KIF16B: variants seen among roughly 807,000 people sequenced by gnomAD.
The protein encoded by KIF16B is kinesin-like protein KIF16B.
In KIF16B, 98 loss-of-function variants were observed where a neutral mutation model predicts 156.3. The ratio of observed to expected loss-of-function variants is 0.63; its 90% CI spans 0.53 to 0.74. KIF16B has a LOEUF of 0.74. KIF16B is among the 30% of genes least tolerant of loss of function. The pLI, the probability that KIF16B is intolerant of heterozygous loss-of-function variation, is 0.00. For missense variants in KIF16B, 1,421 were observed against 1,606.5 expected, an observed-to-expected ratio of 0.88 and a Z score of 1.97; for synonymous variants, 564 against 583.7, an observed-to-expected ratio of 0.97 and a Z score of 0.49.
chr20:16,321,235 T>TTTGTATTATG (rs2063768546), intron 24 of KIF16B, among the ~76,000 whole-genome samples: 1 of 152,132 alleles, frequency 6.6e-6, no homozygotes, highest in South Asian at 2.1e-4. Context: ...CCTTTTTTTC[T>TTTGTATTATG]TATATTTCCT....
chr20:16,342,716 G>A (rs562110366), intron 23 of KIF16B, among the ~76,000 whole-genome samples: 1 of 152,336 alleles, frequency 6.6e-6, no homozygotes, highest in Admixed American at 6.5e-5. Context: ...ATGGGGATGA[G>A]CAAGGCTCAA....
chr20:16,566,587 C>T (rs1054485583), intron 1 of KIF16B, among the ~76,000 whole-genome samples: 2 of 152,156 alleles, frequency 1.3e-5, no homozygotes, highest in African/African-American at 4.8e-5. Flanking sequence ...ATTAAATTAC[C>T]ATTCCAGCCC....
intron 4 of KIF16B, among the ~76,000 whole-genome samples, chr20:16,514,751 C>T (rs1370630870): frequency 1.3e-5 from 2 of 151,336 alleles, no homozygotes; most frequent in African/African-American, 2.4e-5. Context: ...ATTAGCAGGG[C>T]GTGGTGGTGC....
intron 25 of KIF16B, among the ~76,000 whole-genome samples, chr20:16,300,559 G>A (rs1454992335): frequency 6.6e-6 from 1 of 152,032 alleles, no homozygotes; most frequent in Non-Finnish European, 1.5e-5. Flanking sequence ...AAAATAAGAG[G>A]TTGGAGGAAG....
intron 25 of KIF16B, among the ~76,000 whole-genome samples, chr20:16,309,259 T>A (rs2063585005): frequency 6.6e-6 from 1 of 152,222 alleles, no homozygotes; most frequent in African/African-American, 2.4e-5. Context: ...AGATAGAAGT[T>A]TGGCAATGAG....
intron 25 of KIF16B, among the ~76,000 whole-genome samples, chr20:16,278,303 T>A (rs181046884): frequency 6.6e-6 from 1 of 152,228 alleles, no homozygotes; most frequent in East Asian, 1.9e-4. Context: ...CACAACAACG[T>A]TGGAGACGGG....
At chr20:16,346,406 T>C (rs945418366) in intron 23 of KIF16B, among the ~76,000 whole-genome samples, 6 of 152,164 alleles carry the variant, frequency 3.9e-5, no homozygotes, top group African/African-American at 1.2e-4. Context: ...CACATTTCTA[T>C]GCAAATGCAT....
chr20:16,403,335 A>T lies in KIF16B; in HGVS notation c.1784+1478T>A, dbSNP rs141940432. On this transcript the variant is annotated intron_variant, in intron 17 of 25. Coordinates refer to ENST00000354981, the MANE Select transcript of KIF16B (RefSeq NM_024704.5). ...TTAGTGATTCCATCTTGGTCACAAT[A>T]AAAGGCAACTGCTAAAACTACTGTA... Among the ~76,000 whole-genome samples the T allele has an allele frequency of 2.8e-4, 43 of 152,350 alleles. No homozygotes were observed. In the East Asian group the frequency reaches 7.1e-3, roughly 25 times the overall value.
chr20:16,528,920 A>G (rs2069647718), intron 1 of KIF16B, among the ~76,000 whole-genome samples: 1 of 152,190 alleles, frequency 6.6e-6, no homozygotes, highest in Non-Finnish European at 1.5e-5. Flanking sequence ...CAGAAACTGC[A>G]TTTCTCAGAA....
At chr20:16,415,114 T>C (rs1600336132) in intron 15 of KIF16B, among the ~76,000 whole-genome samples, 1 of 152,156 alleles carries the variant, frequency 6.6e-6, no homozygotes, top group East Asian at 1.9e-4. Flanking sequence ...ATGGAATAGG[T>C]CTGTCCTTCT....
intron 25 of KIF16B, among the ~76,000 whole-genome samples, chr20:16,287,268 A>G (rs1331476734): frequency 6.6e-6 from 1 of 152,264 alleles, no homozygotes; most frequent in Non-Finnish European, 1.5e-5. Flanking sequence ...ACTTCATGCC[A>G]ATCTCTCTTC....
intron 12 of KIF16B, among the ~76,000 whole-genome samples, chr20:16,430,669 T>C (rs1378077630): frequency 1.3e-5 from 2 of 152,030 alleles, no homozygotes; most frequent in East Asian, 3.9e-4. Flanking sequence ...CTATGAAGGT[T>C]ATTGTCTTTG....
chr20:16,511,826 CTTAA>C (rs1372821752), intron 5 of KIF16B, among the ~76,000 whole-genome samples: 1 of 152,122 alleles, frequency 6.6e-6, no homozygotes, highest in Non-Finnish European at 1.5e-5. Flanking sequence ...TGTTGTTTCA[CTTAA>C]AGTCACGATT....
intron 15 of KIF16B, among the ~76,000 whole-genome samples, chr20:16,413,551 T>C (rs1011934914): frequency 1.3e-5 from 2 of 152,148 alleles, no homozygotes; most frequent in African/African-American, 4.8e-5. Context: ...ATTATTTCAT[T>C]TTGGGTTACA....
chr20:16,466,787 C>T (rs2067504753), intron 12 of KIF16B, among the ~76,000 whole-genome samples: 1 of 151,552 alleles, frequency 6.6e-6, no homozygotes, highest in Non-Finnish European at 1.5e-5. Flanking sequence ...GAAAGTTCTG[C>T]AAGAACCAGT....
At chr20:16,280,583 A>C (rs983736018) in intron 25 of KIF16B, among the ~76,000 whole-genome samples, 1 of 152,224 alleles carries the variant, frequency 6.6e-6, no homozygotes, top group Non-Finnish European at 1.5e-5. Context: ...AGGGACAAGA[A>C]TGGATGTCCT....
At chr20:16,521,839 G>A (rs370385712) in intron 3 of KIF16B, among the ~76,000 whole-genome samples, 36 of 152,266 alleles carry the variant, frequency 2.4e-4, no homozygotes, top group African/African-American at 4.1e-4. Context: ...GAAACCCTAC[G>A]TGCCAGAAGA....
intron 22 of KIF16B, among the ~76,000 whole-genome samples, chr20:16,370,366 TC>T (rs1289264653): frequency 6.6e-6 from 1 of 152,150 alleles, no homozygotes; most frequent in Non-Finnish European, 1.5e-5. Flanking sequence ...TGGGCAAAGC[TC>T]CACCACAGCT....
rs1209134819 is a variant in KIF16B, at chr20:16,272,690, CT to C, written c.*562del. 1 of 152,466 alleles carries C rather than the reference CT, an allele frequency of 6.6e-6. No individual in the cohort carries two copies. Among genetic ancestry groups the C allele is most frequent in the African/African-American group, 2.4e-5 (1 of 41,358 alleles). The allele number at this position is 152,466 out of a possible 1,614,324, so 9.4% of individuals were successfully genotyped here. A position where few individuals can be genotyped will look rare whatever the true frequency, so the allele number is the denominator to read the frequency against. ...AATCCCTTTTGCAGAATATGAAATTCTGTGTAAACATCAGTGTTTGGGTTTT... is the reference window on the plus strand; with the variant it reads ...AATCCCTTTTGCAGAATATGAAATTCGTGTAAACATCAGTGTTTGGGTTTT... On this transcript the variant is annotated 3_prime_UTR_variant, in exon 26 of 26. Coordinates refer to ENST00000354981, the MANE Select transcript of KIF16B (RefSeq NM_024704.5).
Sources: allele counts gnomAD v4.1 joint callset (sites outside exome capture counted in the v4.1 genomes callset), GRCh38; gene constraint gnomAD v4.1.1; transcripts MANE v1.5; gene names NCBI Gene and HGNC (gene_info 2026-07-23, HGNC 2026-07-21).